LAMA4: variants seen among roughly 807,000 people sequenced by gnomAD.
The protein encoded by LAMA4 is laminin subunit alpha-4.
LAMA4 carries 127 observed loss-of-function variants against 207.1 expected under a neutral mutation model. That is an observed-to-expected ratio of 0.61 (90% CI 0.53 to 0.71). The LOEUF (loss-of-function observed/expected upper bound fraction) is 0.71, where lower values mean the gene tolerates loss of function less well. LAMA4 is among the 30% of genes least tolerant of loss of function. The probability of loss-of-function intolerance (pLI) is 0.00; values close to 1 mark genes in which losing one functional copy is unlikely to be tolerated. For missense variants in LAMA4, 2,093 were observed against 2,246.5 expected, an observed-to-expected ratio of 0.93 and a Z score of 1.38; for synonymous variants, 761 against 816.0, an observed-to-expected ratio of 0.93 and a Z score of 1.15.
At chr6:112,111,583 T>C (rs1448331130) in intron 38 of LAMA4, among the ~76,000 whole-genome samples, 2 of 152,248 alleles carry the variant, frequency 1.3e-5, no homozygotes, top group African/African-American at 4.8e-5. Flanking sequence ...GTGGAATTAA[T>C]CTTGAACAGC....
chr6:112,142,449 G>C (rs1435590645), intron 19 of LAMA4, among the ~76,000 whole-genome samples, 157 bp from the exon 20 acceptor site: 1 of 151,912 alleles, frequency 6.6e-6, no homozygotes, highest in East Asian at 1.9e-4. Context: ...AGAAGACTTA[G>C]GGCAGATTGT....
rs782057850 is a variant in LAMA4, at chr6:112,139,159, T to C, written c.3243A>G (p.Thr1081=). 1 of 1,614,196 alleles carries C rather than the reference T, an allele frequency of 6.2e-7. No individual in the cohort carries two copies. Among genetic ancestry groups the C allele is most frequent in the Non-Finnish European group, 8.5e-7 (1 of 1,180,012 alleles). ...GGAGAATAAGGCCGTTGTCAGCTGGTGTTCGAACTTCTATGTCAAAGCGAG... is the reference window on the plus strand; with the variant it reads ...GGAGAATAAGGCCGTTGTCAGCTGGCGTTCGAACTTCTATGTCAAAGCGAG... ...QVTRFDIEVR[T]PADNGLILLM... The change falls in exon 24 of 39, where the codon ACA becomes ACG. Residue 1081 remains threonine (T), a synonymous_variant. Coordinates refer to ENST00000230538, the MANE Select transcript of LAMA4 (RefSeq NM_001105206.3).
intron 7 of LAMA4, among the ~76,000 whole-genome samples, chr6:112,188,698 T>C (rs1554347509): frequency 6.6e-6 from 1 of 152,230 alleles, no homozygotes; most frequent in East Asian, 1.9e-4. Context: ...TTGAGGTAAC[T>C]TGGGAGAAGC....
chr6:112,179,488 C>T (rs1373316508), intron 9 of LAMA4: 1 of 152,346 alleles, frequency 6.6e-6, no homozygotes, highest in African/African-American at 2.4e-5. Flanking sequence ...GCTTTTTTGG[C>T]TCAGCTCTTT....
Position 112,117,693 on chromosome 6 carries a change from G to T in LAMA4, c.4981+46C>A. 1 of 1,571,634 alleles carries T rather than the reference G, an allele frequency of 6.4e-7. No homozygotes were observed. Among genetic ancestry groups the T allele is most frequent in the Non-Finnish European group, 8.7e-7 (1 of 1,145,864 alleles). ...TGATATTCCCTGTTAGCCATCTCCA[G>T]GAAGAAGCATTTCATGACTCATATT... On this transcript the variant is annotated intron_variant, in intron 35 of 38. Coordinates refer to ENST00000230538, the MANE Select transcript of LAMA4 (RefSeq NM_001105206.3). This position sits in a 1 kb window ranked among gnomAD's most constrained non-coding sequence, Gnocchi z 4.5.
chr6:112,111,482 G>T (rs897055564), intron 38 of LAMA4, among the ~76,000 whole-genome samples: 1 of 152,166 alleles, frequency 6.6e-6, no homozygotes, highest in Non-Finnish European at 1.5e-5. Context: ...GTTCTGAGTG[G>T]TATTCTTGGA....
chr6:112,154,799 G>A, intron 16 of LAMA4, 52 bp downstream of exon 16: 1 of 1,093,140 alleles, frequency 9.1e-7, no homozygotes, highest in Non-Finnish European at 1.4e-6. Context: ...GTGTATGAAA[G>A]GAGGGAAGCA....
chr6:112,212,638 G>T (rs1258741838), intron 3 of LAMA4, among the ~76,000 whole-genome samples: 3 of 152,174 alleles, frequency 2.0e-5, no homozygotes, highest in African/African-American at 7.2e-5. Context: ...CAGAACTTCA[G>T]TTATCATGGA....
rs558217791 is a variant in LAMA4, at chr6:112,142,704, G to A, written c.2494-412C>T. On this transcript the variant is annotated intron_variant, in intron 19 of 38. Coordinates refer to ENST00000230538, the MANE Select transcript of LAMA4 (RefSeq NM_001105206.3). ...TAATACAGCTGGGACTTTGTCCCTA[G>A]GGTCCTCATAAAAGGGACATGGGGT... Among the ~76,000 whole-genome samples, 6 of 152,252 alleles carry A rather than the reference G, an allele frequency of 3.9e-5. No homozygotes were observed. In the South Asian group the frequency reaches 1.2e-3, roughly 32 times the overall value.
chr6:112,205,783 G>T (rs77748844), intron 4 of LAMA4, among the ~76,000 whole-genome samples: 8,326 of 152,110 alleles, frequency 0.055, 718 homozygotes, highest in African/African-American at 0.19. Context: ...GTAATTGGAC[G>T]TTGTGAATTT....
At chr6:112,243,378 T>C (rs1470337878) in intron 2 of LAMA4, among the ~76,000 whole-genome samples, 1 of 152,246 alleles carries the variant, frequency 6.6e-6, no homozygotes, top group Non-Finnish European at 1.5e-5. Flanking sequence ...ACTATGTGAT[T>C]CAGTATCTTA....
At chr6:112,234,923 CG>C (rs1562763416) in intron 2 of LAMA4, among the ~76,000 whole-genome samples, 1 of 152,084 alleles carries the variant, frequency 6.6e-6, no homozygotes, top group African/African-American at 2.4e-5. Flanking sequence ...CAAATATCTT[CG>C]GATATCCAAA....
At chr6:112,213,033 T>C (rs1784438537) in intron 3 of LAMA4, among the ~76,000 whole-genome samples, 1 of 152,214 alleles carries the variant, frequency 6.6e-6, no homozygotes, top group African/African-American at 2.4e-5. Context: ...TTCAATATAT[T>C]GGATTGCTTC....
At chr6:112,253,729 C>G in intron 2 of LAMA4, 1 of 1,611,878 alleles carries the variant, frequency 6.2e-7, no homozygotes, top group Non-Finnish European at 8.5e-7. Flanking sequence ...GCACTCTCAC[C>G]CCTTTGAGCA....
At position 112,150,551 on chromosome 6, in the gene LAMA4, T is replaced by C. The variant is rs1780337250; in HGVS notation, c.2133A>G (p.Arg711=). 6.2e-7 allele frequency: 1 copy of C among 1,613,882 alleles called. No homozygotes were observed. The highest frequency in any genetic ancestry group is 1.3e-5 in the African/African-American group (1 of 75,006). The stretch of plus-strand genomic sequence containing the variant: ...GTAGTTGCTTAACGGCATCACTGAG[T>C]CTGGTTTTAAGGGCACTTTTCCTTG... The part of the protein sequence containing the change: ...ALARKSALKT[R]LSDAVKQLQA... Residue 711 remains arginine (R), a synonymous_variant, in exon 17 of 39, where the codon AGA becomes AGG. Coordinates refer to ENST00000230538, the MANE Select transcript of LAMA4 (RefSeq NM_001105206.3).
chr6:112,180,298 T>G (rs1782280059), intron 9 of LAMA4, among the ~76,000 whole-genome samples: 1 of 152,230 alleles, frequency 6.6e-6, no homozygotes, highest in Non-Finnish European at 1.5e-5. Context: ...CAGAGGGCGC[T>G]AAGATACAGG....
intron 19 of LAMA4, among the ~76,000 whole-genome samples, chr6:112,142,591 A>T (rs1554333613): frequency 6.6e-6 from 1 of 152,202 alleles, no homozygotes; most frequent in African/African-American, 2.4e-5. Flanking sequence ...CAACTTGCTC[A>T]AGTTGTCTGG....
intron 24 of LAMA4, 86 bp from the exon 25 acceptor site, chr6:112,136,340 T>A (rs1779346220): frequency 3.8e-6 from 4 of 1,044,120 alleles, no homozygotes; most frequent in Non-Finnish European, 5.9e-6. Flanking sequence ...TAAGACTGTA[T>A]TCTTTATTAC....
intron 29 of LAMA4, among the ~76,000 whole-genome samples, chr6:112,130,604 A>T (rs1778981712): frequency 6.6e-6 from 1 of 152,102 alleles, no homozygotes; most frequent in Non-Finnish European, 1.5e-5. Flanking sequence ...TAAATGTTGC[A>T]TTCTCAACTG....
Sources: gnomAD v4.1 joint callset for allele counts (sites outside exome capture counted in the v4.1 genomes callset) on GRCh38, gnomAD v4.1.1 for gene constraint, Gnocchi (gnomAD v3.1) non-coding constraint, MANE v1.5 for transcripts, NCBI Gene and HGNC (gene_info 2026-07-23, HGNC 2026-07-21) for gene names.